The following MARCHF1 variants were observed in gnomAD, a reference collection of about 807,000 sequenced individuals.
MARCHF1 encodes the protein membrane associated ring-CH-type finger 1, also known as E3 ubiquitin-protein ligase MARCHF1.
In MARCHF1, 40 loss-of-function variants were observed where a neutral mutation model predicts 54.2. The ratio of observed to expected loss-of-function variants is 0.74; its 90% CI spans 0.57 to 0.96. The LOEUF (loss-of-function observed/expected upper bound fraction) is 0.96, where lower values mean the gene tolerates loss of function less well. Ranked by LOEUF, MARCHF1 falls within the 40% of genes least tolerant of loss-of-function variation. MARCHF1 has a pLI of 0.00. For missense variants in MARCHF1, 586 were observed against 656.5 expected, an observed-to-expected ratio of 0.89 and a Z score of 1.17; for synonymous variants, 236 against 236.3, an observed-to-expected ratio of 1.00 and a Z score of 0.01.
chr4:163,893,195 A>C (rs1045682858), intron 3 of MARCHF1, among the ~76,000 whole-genome samples: 1 of 152,046 alleles, frequency 6.6e-6, no homozygotes, highest in East Asian at 1.9e-4. Context: ...GCTGGGATGC[A>C]GTGGCGGGAT....
intron 8 of MARCHF1, among the ~76,000 whole-genome samples, chr4:163,576,831 T>A (rs1009643264): frequency 6.6e-6 from 1 of 151,884 alleles, no homozygotes; most frequent in Non-Finnish European, 1.5e-5. Context: ...TGTTTTTTTT[T>A]AACTATTGGT....
chr4:164,363,862 T>C (rs949309618), intron 1 of MARCHF1, among the ~76,000 whole-genome samples: 1 of 152,004 alleles, frequency 6.6e-6, no homozygotes, highest in Non-Finnish European at 1.5e-5. Flanking sequence ...TGTAGGGGTC[T>C]TCTGGTGTTA....
chr4:163,960,008 T>C (rs1321737417), intron 3 of MARCHF1, among the ~76,000 whole-genome samples: 1 of 151,898 alleles, frequency 6.6e-6, no homozygotes, highest in African/African-American at 2.4e-5. Flanking sequence ...CATGAACAGA[T>C]GCTTTTCAAA....
chr4:163,819,181 C>G (rs1368282497), intron 4 of MARCHF1, among the ~76,000 whole-genome samples: 2 of 152,112 alleles, frequency 1.3e-5, no homozygotes, highest in Non-Finnish European at 2.9e-5. Flanking sequence ...ATACTCTATA[C>G]CATTTTAAAG....
chr4:163,609,664 T>A (rs376808393), intron 7 of MARCHF1, among the ~76,000 whole-genome samples: 8 of 151,018 alleles, frequency 5.3e-5, no homozygotes, highest in East Asian at 1.9e-4. Context: ...ACGTATATAT[T>A]TATATACACA....
chr4:164,083,217 A>G (rs1755133880), intron 2 of MARCHF1, among the ~76,000 whole-genome samples: 1 of 152,094 alleles, frequency 6.6e-6, no homozygotes, highest in Admixed American at 6.5e-5. Context: ...ATTTTTGGCT[A>G]TGGTCTCTGC....
intron 1 of MARCHF1, among the ~76,000 whole-genome samples, chr4:164,163,691 T>C (rs752291505): frequency 2.0e-5 from 3 of 151,928 alleles, no homozygotes; most frequent in African/African-American, 4.8e-5. Flanking sequence ...AGAGAATGAA[T>C]AATCAGAAAA....
At chr4:163,557,924 A>T (rs1203353952) in intron 8 of MARCHF1, among the ~76,000 whole-genome samples, 1 of 152,242 alleles carries the variant, frequency 6.6e-6, no homozygotes, top group Non-Finnish European at 1.5e-5. Context: ...TTCAGCGTCC[A>T]CACTGAAAAT....
intron 3 of MARCHF1, among the ~76,000 whole-genome samples, chr4:163,891,123 C>T (rs1750652215): frequency 6.6e-6 from 1 of 151,948 alleles, no homozygotes; most frequent in African/African-American, 2.4e-5. Context: ...CAAATCTTGT[C>T]AGGTCGCAAT....
chr4:163,612,752 CTCT>C lies in MARCHF1; in HGVS notation c.526_528del (p.Arg176del). ...CTTGACAGTCTGAATTTAACCTGGG[CTCT>C]TCTTTTTGCCTGAATCCAATGACTC... On this transcript the variant is annotated inframe_deletion, in exon 7 of 10. Transcript: ENST00000514618. 2 of 1,535,466 alleles carry C rather than the reference CTCT, an allele frequency of 1.3e-6. No homozygotes were observed. Among genetic ancestry groups the C allele is most frequent in the South Asian group, 2.4e-5 (2 of 84,050 alleles).
chr4:163,665,221 A>G (rs1743490137), intron 5 of MARCHF1, among the ~76,000 whole-genome samples: 1 of 152,122 alleles, frequency 6.6e-6, no homozygotes, highest in Non-Finnish European at 1.5e-5. Context: ...TTGATGTCAT[A>G]ATATTTAGTA....
At chr4:164,230,161 T>C (rs1302284916) in intron 1 of MARCHF1, among the ~76,000 whole-genome samples, 2 of 152,084 alleles carry the variant, frequency 1.3e-5, no homozygotes, top group African/African-American at 4.8e-5. Context: ...TTTGGGAGGC[T>C]GAGGCAGGTG....
intron 2 of MARCHF1, among the ~76,000 whole-genome samples, chr4:163,992,061 C>A (rs1323410812): frequency 1.9e-5 from 1 of 52,856 alleles, no homozygotes; most frequent in African/African-American, 6.5e-5. Flanking sequence ...TTGTCAGCTG[C>A]AAAAAAAAAA....
intron 1 of MARCHF1, among the ~76,000 whole-genome samples, chr4:164,243,392 A>T (rs1374633876): frequency 6.6e-6 from 1 of 151,300 alleles, no homozygotes; most frequent in Admixed American, 6.6e-5. Flanking sequence ...TTCATAAGTG[A>T]AGGAGAAATA....
intron 1 of MARCHF1, among the ~76,000 whole-genome samples, chr4:164,306,488 G>A (rs986391575): frequency 4.0e-5 from 6 of 151,794 alleles, no homozygotes; most frequent in African/African-American, 1.5e-4. Context: ...ATTCAACTTC[G>A]AATCATTTTT....
chr4:163,586,695 C>A (rs1740424323), intron 7 of MARCHF1, among the ~76,000 whole-genome samples: 1 of 152,094 alleles, frequency 6.6e-6, no homozygotes, highest in Non-Finnish European at 1.5e-5. Flanking sequence ...TATCTATGGG[C>A]TTTCATATAT....
At chr4:164,111,388 G>A (rs1209451427) in intron 2 of MARCHF1, among the ~76,000 whole-genome samples, 200 bp downstream of exon 2, 2 of 151,646 alleles carry the variant, frequency 1.3e-5, no homozygotes, top group Admixed American at 1.3e-4. Context: ...AGGAAACAGA[G>A]TTAATCTAAG....
At chr4:163,627,248 C>T (rs958060678) in intron 5 of MARCHF1, among the ~76,000 whole-genome samples, 2 of 152,126 alleles carry the variant, frequency 1.3e-5, no homozygotes, top group African/African-American at 2.4e-5. Flanking sequence ...TTAGAGTGCT[C>T]CTAGTATTTT....
chr4:164,328,774 C>A (rs1160452196), intron 1 of MARCHF1, among the ~76,000 whole-genome samples: 1 of 152,170 alleles, frequency 6.6e-6, no homozygotes, highest in African/African-American at 2.4e-5. Flanking sequence ...AGGTGATCAG[C>A]CCACCTCAGC....
Sources: gnomAD v4.1 joint callset for allele counts (sites outside exome capture counted in the v4.1 genomes callset) on GRCh38, gnomAD v4.1.1 for gene constraint, MANE v1.5 for transcripts, NCBI Gene and HGNC (gene_info 2026-07-23, HGNC 2026-07-21) for gene names.